Variants in GRIK2 observed in about 807,000 individuals in gnomAD.
The protein encoded by GRIK2 is glutamate receptor ionotropic, kainate 2.
GRIK2 carries 32 observed loss-of-function variants against 100.3 expected under a neutral mutation model. The ratio of observed to expected loss-of-function variants is 0.32; its 90% CI spans 0.24 to 0.43. The LOEUF (loss-of-function observed/expected upper bound fraction) is 0.43. GRIK2 is among the 20% of genes least tolerant of loss of function. The pLI is 1.00. For missense variants in GRIK2, 843 were observed against 1,114.9 expected, an observed-to-expected ratio of 0.76 and a Z score of 3.47; for synonymous variants, 417 against 389.4, an observed-to-expected ratio of 1.07 and a Z score of -0.83.
Position 101,904,719 on chromosome 6 carries a change from A to C in GRIK2, c.1748+14856A>C, listed in dbSNP as rs551950115. Among the ~76,000 whole-genome samples, 517 of 151,668 alleles carry C rather than the reference A, an allele frequency of 3.4e-3. 3 individuals carry two copies. The highest frequency in any genetic ancestry group is 0.012 in the African/African-American group (505 of 41,498). On this transcript the variant is annotated intron_variant, in intron 12 of 16. Coordinates refer to ENST00000369134, the MANE Select transcript of GRIK2 (RefSeq NM_021956.5). ...ATAATTTGGAAGCAAGCATATGATT[A>C]ATGTAAAGTCCAATTTTGTTAGTAT...
chr6:102,013,685 T>C (rs1489918426), intron 14 of GRIK2, among the ~76,000 whole-genome samples: 1 of 152,150 alleles, frequency 6.6e-6, no homozygotes, highest in African/African-American at 2.4e-5. Context: ...TCTATTAAGA[T>C]AATCATGTGG....
chr6:101,553,311 A>C (rs1400179526), intron 2 of GRIK2, among the ~76,000 whole-genome samples: 2 of 152,202 alleles, frequency 1.3e-5, no homozygotes, highest in East Asian at 1.9e-4. Context: ...GTATTATAGA[A>C]AGAGTTACTT....
At chr6:101,795,501 A>G (rs181253086) in intron 7 of GRIK2, among the ~76,000 whole-genome samples, 1 of 152,300 alleles carries the variant, frequency 6.6e-6, no homozygotes, top group East Asian at 1.9e-4. Context: ...AGGTGGGCCA[A>G]TTGTTGGGCC....
intron 2 of GRIK2, among the ~76,000 whole-genome samples, chr6:101,545,498 T>G (rs1396362405): frequency 2.0e-5 from 3 of 152,186 alleles, no homozygotes; most frequent in African/African-American, 7.2e-5. Context: ...ACAGAGAGTT[T>G]TTTTGAAAGA....
chr6:101,654,258 C>G (rs529347134), intron 4 of GRIK2, among the ~76,000 whole-genome samples: 2 of 152,168 alleles, frequency 1.3e-5, no homozygotes, highest in South Asian at 4.2e-4. Context: ...CTGGTACTCA[C>G]AACTATATAA....
intron 2 of GRIK2, among the ~76,000 whole-genome samples, chr6:101,606,895 C>A (rs1779460188): frequency 6.6e-6 from 1 of 151,846 alleles, no homozygotes; most frequent in Admixed American, 6.6e-5. Context: ...CCATAAATAA[C>A]CTTTTCTAGC....
At chr6:101,854,339 A>C (rs2128441210) in intron 10 of GRIK2, among the ~76,000 whole-genome samples, 1 of 152,272 alleles carries the variant, frequency 6.6e-6, no homozygotes, top group South Asian at 2.1e-4. Context: ...GGCTCACTGC[A>C]ACCTCCACCT....
chr6:101,918,347 A>T (rs1789255937), intron 12 of GRIK2, among the ~76,000 whole-genome samples: 1 of 151,742 alleles, frequency 6.6e-6, no homozygotes, highest in African/African-American at 2.4e-5. Context: ...TATAAAAATC[A>T]TTTTTGTACT....
At chr6:101,403,261 A>G (rs988201072) in intron 2 of GRIK2, among the ~76,000 whole-genome samples, 8 of 152,216 alleles carry the variant, frequency 5.3e-5, no homozygotes, top group South Asian at 2.1e-4. Flanking sequence ...CCTGGGCACC[A>G]TCTCCAAGGT....
At chr6:101,754,636 G>A (rs9377299) in intron 7 of GRIK2, among the ~76,000 whole-genome samples, 24,540 of 152,180 alleles carry the variant, frequency 0.16, 3,139 homozygotes, top group East Asian at 0.69. Flanking sequence ...TCCATAAAAT[G>A]TGATGAGTGC....
At chr6:101,654,422 C>T (rs1781960325) in intron 4 of GRIK2, among the ~76,000 whole-genome samples, 1 of 152,154 alleles carries the variant, frequency 6.6e-6, no homozygotes, top group Non-Finnish European at 1.5e-5. Context: ...TGCTTCTATA[C>T]TTCCAGCTAA....
intron 2 of GRIK2, among the ~76,000 whole-genome samples, chr6:101,474,232 CTGACTGAGTAAATTATAATA>C (rs554160480): frequency 2.0e-3 from 300 of 151,852 alleles, no homozygotes; most frequent in Non-Finnish European, 3.2e-3. Flanking sequence ...AATAATTGAA[CTGACTGAGTAAATTATAATA>C]AAATATTATT....
intron 14 of GRIK2, among the ~76,000 whole-genome samples, chr6:102,022,447 C>T (rs1769478684): frequency 6.6e-6 from 1 of 151,680 alleles, no homozygotes; most frequent in Non-Finnish European, 1.5e-5. Flanking sequence ...TTGTACCTTA[C>T]ATTTTGGTAA....
intron 14 of GRIK2, among the ~76,000 whole-genome samples, chr6:101,989,195 A>G: frequency 6.6e-6 from 1 of 151,998 alleles, no homozygotes; most frequent in East Asian, 2.0e-4. Context: ...TACTTGTAAT[A>G]AGGCATTTAG....
At chr6:101,447,025 A>G (rs1770417942) in intron 2 of GRIK2, among the ~76,000 whole-genome samples, 1 of 147,860 alleles carries the variant, frequency 6.8e-6, no homozygotes, top group Admixed American at 6.8e-5. Context: ...TATATTATAT[A>G]TATTTTATAT....
intron 7 of GRIK2, among the ~76,000 whole-genome samples, chr6:101,740,486 T>C (rs1107369): frequency 0.27 from 40,345 of 152,092 alleles, 6,468 homozygotes; most frequent in East Asian, 0.44. Context: ...TACATTTGTG[T>C]AGTGGTTATT....
chr6:101,625,443 G>A (rs1186980754), intron 3 of GRIK2, among the ~76,000 whole-genome samples: 1 of 151,348 alleles, frequency 6.6e-6, no homozygotes, highest in African/African-American at 2.4e-5. Flanking sequence ...AAATTCAGGG[G>A]AAGCTTCTAT....
At chr6:101,850,614 AT>A (rs1336463914) in intron 10 of GRIK2, among the ~76,000 whole-genome samples, 2 of 151,940 alleles carry the variant, frequency 1.3e-5, no homozygotes, top group African/African-American at 4.8e-5. Context: ...CTTAAAATGT[AT>A]TTTACTTTTT....
At chr6:101,548,322 G>T (rs576676964) in intron 2 of GRIK2, among the ~76,000 whole-genome samples, 3 of 152,214 alleles carry the variant, frequency 2.0e-5, no homozygotes, top group African/African-American at 7.2e-5. Flanking sequence ...CTCCTTAGTT[G>T]AATTAGATCC....
Sources: allele counts gnomAD v4.1 joint callset (sites outside exome capture counted in the v4.1 genomes callset), GRCh38; gene constraint gnomAD v4.1.1; transcripts MANE v1.5; gene names NCBI Gene and HGNC (gene_info 2026-07-23, HGNC 2026-07-21).